The following FRYL variants were observed in gnomAD, a reference collection of about 807,000 sequenced individuals.
The protein encoded by FRYL is protein furry homolog-like.
In FRYL, 150 loss-of-function variants were observed where a neutral mutation model predicts 351.2. That is an observed-to-expected ratio of 0.43 (90% CI 0.37 to 0.49). FRYL has a LOEUF of 0.49. FRYL is among the 20% of genes least tolerant of loss of function. The pLI is 0.00. For synonymous variants in FRYL, 1,153 were observed against 1,257.1 expected (o/e 0.92, Z 1.75); for missense variants, 3,036 against 3,619.3 (o/e 0.84, Z 4.13).
At chr4:48,521,356 C>T (rs1161852901) in intron 54 of FRYL, 141 bp from the exon 55 acceptor site, 1 of 634,284 alleles carries the variant, frequency 1.6e-6, no homozygotes, top group African/African-American at 1.8e-5. Context: ...TCCTTCCAGT[C>T]TACACCAGAA....
intron 53 of FRYL, among the ~76,000 whole-genome samples, chr4:48,523,775 T>G (rs1725388918): frequency 6.6e-6 from 1 of 152,254 alleles, no homozygotes; most frequent in Non-Finnish European, 1.5e-5. Flanking sequence ...TTACAAAGGT[T>G]TAATACTTAG....
chr4:48,649,965 T>C (rs1306022577), intron 3 of FRYL, among the ~76,000 whole-genome samples: 2 of 152,280 alleles, frequency 1.3e-5, no homozygotes, highest in East Asian at 1.9e-4. Flanking sequence ...ACACAACCCA[T>C]AGATTTTTTT....
intron 28 of FRYL, among the ~76,000 whole-genome samples, chr4:48,565,973 G>A (rs1736690806): frequency 6.6e-6 from 1 of 152,202 alleles, no homozygotes; most frequent in Admixed American, 6.5e-5. Context: ...CTGGCACAGA[G>A]GTGGGGCCAG....
In FRYL at chr4:48,540,013, G is replaced by A. The variant is rs1490645137; in HGVS notation, c.6351C>T (p.Ser2117=). The part of the protein sequence containing the change: ...LLPHLIQHFD[S]PTQFCKETAS... Reference sequence around the variant, plus strand: ...CTGTTTCTTTGCAAAACTGAGTTGGGCTGTCAAAATGCTGGATTAAGTGAG... The same window carrying A: ...CTGTTTCTTTGCAAAACTGAGTTGGACTGTCAAAATGCTGGATTAAGTGAG... Residue 2117 remains serine, a synonymous_variant, in exon 47 of 64, where the codon AGC becomes AGT. Transcript: ENST00000358350. The A allele has an allele frequency of 3.1e-6, 5 of 1,613,176 alleles. No individual in the cohort carries two copies. The Admixed American group carries it at 8.3e-5, about 27-fold the overall frequency.
At chr4:48,501,500 AACTAAAAGAAAAAAGACTCACTCTAAGTG>A in intron 62 of FRYL, 94 bp downstream of exon 62, 2 of 661,410 alleles carry the variant, frequency 3.0e-6, no homozygotes, top group Non-Finnish European at 5.4e-6. Flanking sequence ...ATTATTCCTT[AACTAAAAGAAAAAAGACTCACTCTAAGTG>A]ACTTTTGACT....
At chr4:48,592,081 CTTATATATATATATATATAT>C (rs1220657641) in intron 16 of FRYL, among the ~76,000 whole-genome samples, 1 of 24,834 alleles carries the variant, frequency 4.0e-5, no homozygotes, top group African/African-American at 1.6e-4. Context: ...AAATAAAGCT[CTTATATATATATATATATAT>C]ATATATATAT....
At chr4:48,609,099 CATTAA>C (rs1400263713) in intron 8 of FRYL, 32 bp from the exon 9 acceptor site, 1 of 1,375,696 alleles carries the variant, frequency 7.3e-7, no homozygotes, top group East Asian at 2.3e-5. Flanking sequence ...CATAACATTT[CATTAA>C]ATTTTTCTAC....
chr4:48,618,296 T>C (rs1435361663), intron 7 of FRYL: 1 of 152,246 alleles, frequency 6.6e-6, no homozygotes, highest in Non-Finnish European at 1.5e-5. Flanking sequence ...CAAAGAACTG[T>C]CTTTTCATAT....
chr4:48,538,139 TC>T (rs1311154057), intron 47 of FRYL, among the ~76,000 whole-genome samples: 1 of 152,210 alleles, frequency 6.6e-6, no homozygotes, highest in Non-Finnish European at 1.5e-5. Context: ...AGGCAATATT[TC>T]TAATAGTCAT....
chr4:48,539,518 C>T (rs1729649822), intron 47 of FRYL, among the ~76,000 whole-genome samples: 1 of 151,984 alleles, frequency 6.6e-6, no homozygotes, highest in East Asian at 1.9e-4. Flanking sequence ...AGTATTCTGC[C>T]CCCCACCCTC....
chr4:48,585,715 T>C (rs1321247389), intron 19 of FRYL, among the ~76,000 whole-genome samples: 1 of 152,260 alleles, frequency 6.6e-6, no homozygotes, highest in Non-Finnish European at 1.5e-5. Flanking sequence ...ACAACAGTTG[T>C]ACATACTTTT....
intron 4 of FRYL, among the ~76,000 whole-genome samples, chr4:48,625,592 C>A (rs1751623997): frequency 6.6e-6 from 1 of 152,130 alleles, no homozygotes; most frequent in South Asian, 2.1e-4. Context: ...ATCTTACAAG[C>A]AATCCAGAGA....
At position 48,502,834 on chromosome 4, in the gene FRYL, T is replaced by C. The variant is rs1237413470; in HGVS notation, c.8475A>G (p.Ile2825Met). ...ATCAAGACAGGTCACTTACTGCTAG[T>C]ATTTCCATTTGCTAAGCAAGAAGGT... ...RINTDAQQME[I>M]LAELELCRRL... Residue 2825 changes from isoleucine (I) to methionine (M), a missense_variant, in exon 61 of 64, where the codon ATA becomes ATG. Physicochemically the swap from Ile to Met is conservative, Grantham distance 10. Transcript: ENST00000358350. 6.2e-7 allele frequency: 1 copy of C among 1,610,720 alleles called. No individual in the cohort carries two copies. Among genetic ancestry groups the C allele is most frequent in the Non-Finnish European group, 8.5e-7 (1 of 1,177,764 alleles).
chr4:48,627,927 C>T (rs563540565), intron 4 of FRYL, among the ~76,000 whole-genome samples: 1 of 152,106 alleles, frequency 6.6e-6, no homozygotes, highest in African/African-American at 2.4e-5. Flanking sequence ...CCTACTACCA[C>T]GTCCAGCTAG....
At chr4:48,544,677 C>G in intron 43 of FRYL, 106 bp downstream of exon 43, 2 of 874,150 alleles carry the variant, frequency 2.3e-6, no homozygotes, top group Non-Finnish European at 3.3e-6. Context: ...AAGTCTAAAA[C>G]TTTTAGAGGT....
intron 1 of FRYL, among the ~76,000 whole-genome samples, chr4:48,770,146 T>C (rs1054322952): frequency 7.2e-5 from 11 of 152,208 alleles, no homozygotes; most frequent in African/African-American, 2.4e-4. Flanking sequence ...ATCAGTTTCC[T>C]AGTTAAGGTT....
chr4:48,607,867 T>C (rs1346244850), intron 9 of FRYL, among the ~76,000 whole-genome samples: 5 of 152,152 alleles, frequency 3.3e-5, no homozygotes, highest in Admixed American at 6.6e-5. Flanking sequence ...GATGGAGTGT[T>C]CTCCTGGATC....
At chr4:48,612,855 C>T (rs61170487) in intron 7 of FRYL, among the ~76,000 whole-genome samples, 1 of 151,952 alleles carries the variant, frequency 6.6e-6, no homozygotes, top group East Asian at 1.9e-4. Context: ...TCCCAAAGTG[C>T]TGGGATTACA....
intron 2 of FRYL, among the ~76,000 whole-genome samples, chr4:48,688,242 C>T (rs1400971627): frequency 6.6e-6 from 1 of 152,064 alleles, no homozygotes; most frequent in Admixed American, 6.6e-5. Context: ...TAAAATGATG[C>T]AAAAACCAAA....
Sources: allele counts gnomAD v4.1 joint callset (sites outside exome capture counted in the v4.1 genomes callset), GRCh38; gene constraint gnomAD v4.1.1; transcripts MANE v1.5; gene names NCBI Gene and HGNC (gene_info 2026-07-23, HGNC 2026-07-21).